Variants in GRHL2 observed in about 807,000 individuals in gnomAD.
The protein encoded by GRHL2 is grainyhead like transcription factor 2.
GRHL2 carries 21 observed loss-of-function variants against 83.8 expected under a neutral mutation model. That is an observed-to-expected ratio of 0.25 (90% CI 0.18 to 0.36). GRHL2 has a LOEUF of 0.36. GRHL2 is among the 10% of genes least tolerant of loss of function. The pLI is 1.00. For missense variants in GRHL2, 623 were observed against 781.8 expected (o/e 0.80, Z 2.42); for synonymous variants, 280 against 278.9 (o/e 1.00, Z -0.04).
chr8:101,573,708 C>T lies in GRHL2; in HGVS notation c.775C>T (p.Arg259Cys), dbSNP rs923030287. The T allele has an allele frequency of 3.5e-5, 57 of 1,614,024 alleles. No individual in the cohort carries two copies. The highest frequency in any genetic ancestry group is 4.4e-5 in the South Asian group (4 of 91,076). ...QYTLEATKSLRQKQGEGPMTY... is the reference protein window; with the variant it reads ...QYTLEATKSLCQKQGEGPMTY... Reference sequence around the variant, plus strand: ...CACCCTGGAAGCCACCAAATCTCTCCGTCAGAAGCAGGGGGAGGGCCCCAT... The same window carrying T: ...CACCCTGGAAGCCACCAAATCTCTCTGTCAGAAGCAGGGGGAGGGCCCCAT... Residue 259 changes from arginine (R) to cysteine (C), a missense_variant, in exon 6 of 16, where the codon CGT becomes TGT. By Grantham distance (180) the Arg-to-Cys change is radical. Coordinates refer to ENST00000646743, the MANE Select transcript of GRHL2 (RefSeq NM_024915.4).
intron 8 of GRHL2, among the ~76,000 whole-genome samples, chr8:101,608,754 CA>C (rs1812685375): frequency 7.0e-6 from 1 of 142,178 alleles, no homozygotes; most frequent in African/African-American, 3.0e-5. Context: ...CACACACACA[CA>C]CACACACACA....
intron 1 of GRHL2, among the ~76,000 whole-genome samples, chr8:101,498,882 T>C (rs944047444): frequency 1.1e-4 from 16 of 152,188 alleles, no homozygotes; most frequent in African/African-American, 3.9e-4. Flanking sequence ...GAGACCATCC[T>C]GGCTAACACA....
At chr8:101,675,804 A>T in the GRHL2 span, among the ~76,000 whole-genome samples, 2 of 152,162 alleles carry the variant, frequency 1.3e-5, no homozygotes, top group Non-Finnish European at 2.9e-5. Context: ...ACCTGACTTC[A>T]AACTATACTA....
downstream of GRHL2, among the ~76,000 whole-genome samples, chr8:101,670,151 T>C (rs1814180671): frequency 6.6e-6 from 1 of 152,148 alleles, no homozygotes; most frequent in Admixed American, 6.5e-5. Flanking sequence ...TTTCTCACAA[T>C]CTCTTGCCCT....
At position 101,666,577 on chromosome 8, in the gene GRHL2, C is replaced by A. The variant is rs371424751; in HGVS notation, c.1764-12C>A. On this transcript the variant is annotated splice_polypyrimidine_tract_variant and intron_variant, in intron 15 of 15. Coordinates refer to ENST00000646743, the MANE Select transcript of GRHL2 (RefSeq NM_024915.4). ...GTCTTTGTTTTTCACACCCCTCCCC[C>A]CTCCATGGCAGCATCTTGGTGAACA... The A allele has an allele frequency of 1.1e-4, 164 of 1,529,508 alleles. No homozygotes were observed. The highest frequency in any genetic ancestry group is 1.5e-4 in the Admixed American group (9 of 59,892). 94.7% of individuals were successfully genotyped at this position (1,529,508 alleles called of 1,614,324 possible). A position where few individuals can be genotyped will look rare whatever the true frequency, so the allele number is the denominator to read the frequency against.
chr8:101,566,967 A>G (rs1179426734), intron 4 of GRHL2, among the ~76,000 whole-genome samples: 1 of 152,176 alleles, frequency 6.6e-6, no homozygotes, highest in African/African-American at 2.4e-5. Context: ...AGTGCCTGAT[A>G]TAAAGTAAAT....
intron 3 of GRHL2, among the ~76,000 whole-genome samples, chr8:101,555,726 A>G (rs990381941): frequency 6.6e-6 from 1 of 152,236 alleles, no homozygotes; most frequent in African/African-American, 2.4e-5. Flanking sequence ...TTTACTCCTT[A>G]GGAAATTATT....
Position 101,666,693 on chromosome 8 carries a change from T to C in GRHL2, c.1868T>C (p.Met623Thr). 6.2e-7 allele frequency: 1 copy of C among 1,608,156 alleles called. No individual in the cohort carries two copies. The highest frequency in any genetic ancestry group is 8.5e-7 in the Non-Finnish European group (1 of 1,174,580). ...GTGGAGGGCTTCAAGGTCACGCTCA[T>C]GGAAATCTAGCCCTGGGTTTGGCAT... ...SMVEGFKVTL[M>T]EI The change falls in exon 16 of 16, where the codon ATG becomes ACG. Residue 623 changes from methionine to threonine, a missense_variant. Met to Thr is a moderately conservative substitution (Grantham distance 81). Transcript: ENST00000646743.
intron 9 of GRHL2, among the ~76,000 whole-genome samples, chr8:101,625,920 G>T (rs1813070804): frequency 6.6e-6 from 1 of 151,922 alleles, no homozygotes; most frequent in Non-Finnish European, 1.5e-5. Flanking sequence ...TCATAAGGAA[G>T]AAATCTCACG....
chr8:101,573,620 G>A, intron 5 of GRHL2, 48 bp from the exon 6 acceptor site: 1 of 1,612,022 alleles, frequency 6.2e-7, no homozygotes, highest in Non-Finnish European at 8.5e-7. Context: ...CAAAAGAGCA[G>A]AAATGTCCAA....
intron 7 of GRHL2, among the ~76,000 whole-genome samples, chr8:101,584,538 G>A (rs1812123428): frequency 6.6e-6 from 1 of 152,036 alleles, no homozygotes; most frequent in South Asian, 2.1e-4. Flanking sequence ...TTAATCTGGA[G>A]TCATGCTCCA....
intron 1 of GRHL2, among the ~76,000 whole-genome samples, chr8:101,495,609 C>T (rs182139921): frequency 1.2e-3 from 188 of 152,204 alleles, no homozygotes; most frequent in African/African-American, 4.0e-3. Context: ...ATTTAGAGAA[C>T]GTGTAGGTAC....
At chr8:101,676,789 T>G in the GRHL2 span, among the ~76,000 whole-genome samples, 7 of 152,140 alleles carry the variant, frequency 4.6e-5, no homozygotes, top group African/African-American at 1.7e-4. Flanking sequence ...CTATTCACAA[T>G]AGCAAAGACT....
chr8:101,671,290 C>T (rs1031750228), downstream of GRHL2, among the ~76,000 whole-genome samples: 23 of 152,258 alleles, frequency 1.5e-4, no homozygotes, highest in South Asian at 6.2e-4. Context: ...GGGTGACAGA[C>T]GGCACCTGGA....
At chr8:101,572,037 T>G (rs528999687) in intron 5 of GRHL2, among the ~76,000 whole-genome samples, 88 of 152,308 alleles carry the variant, frequency 5.8e-4, no homozygotes, top group African/African-American at 1.9e-3. Context: ...GGGCTGAATC[T>G]TGGGTTTTTA....
intron 1 of GRHL2, chr8:101,542,750 A>T (rs1162002980): frequency 2.2e-6 from 1 of 456,528 alleles, no homozygotes. Context: ...GCAGCATCTG[A>T]CCAAGGACTT....
intron 2 of GRHL2, among the ~76,000 whole-genome samples, chr8:101,545,443 GAAAAAAAAAAAAA>G (rs34421761): frequency 8.5e-5 from 5 of 58,908 alleles, no homozygotes; most frequent in South Asian, 8.9e-4. Context: ...GGGAATTCCT[GAAAAAAAAAAAAA>G]AAAAAAAAAA....
intron 4 of GRHL2, among the ~76,000 whole-genome samples, chr8:101,559,746 G>A (rs913494930): frequency 1.5e-4 from 23 of 152,180 alleles, no homozygotes; most frequent in African/African-American, 4.6e-4. Context: ...TGAGAATTTT[G>A]GTAATTGTAT....
chr8:101,673,137 T>A (rs1349782661), downstream of GRHL2, among the ~76,000 whole-genome samples: 1 of 147,884 alleles, frequency 6.8e-6, no homozygotes, highest in Non-Finnish European at 1.5e-5. Flanking sequence ...AGGAAGAAAC[T>A]GCATCAACTA....
Sources: allele counts gnomAD v4.1 joint callset (sites outside exome capture counted in the v4.1 genomes callset), GRCh38; gene constraint gnomAD v4.1.1; transcripts MANE v1.5; gene names NCBI Gene and HGNC (gene_info 2026-07-23, HGNC 2026-07-21).